MACROD2: variants seen among roughly 807,000 people sequenced by gnomAD.
MACROD2 encodes the protein ADP-ribose glycohydrolase MACROD2.
A neutral mutation model predicts 70.4 loss-of-function variants in MACROD2; 36 were observed. That is an observed-to-expected ratio of 0.51 (90% CI 0.39 to 0.68). The LOEUF (loss-of-function observed/expected upper bound fraction) is 0.68, where lower values mean the gene tolerates loss of function less well. MACROD2 is among the 30% of genes least tolerant of loss of function. MACROD2 has a pLI of 0.00. For missense variants in MACROD2, 496 were observed against 538.4 expected (o/e 0.92, Z 0.78); for synonymous variants, 172 against 178.8 (o/e 0.96, Z 0.30).
intron 8 of MACROD2, among the ~76,000 whole-genome samples, chr20:15,699,864 A>G (rs2050430915): frequency 6.6e-6 from 1 of 151,972 alleles, no homozygotes; most frequent in South Asian, 2.1e-4. Context: ...CCATCCTTCC[A>G]ATGGATCCTT....
chr20:14,899,193 G>A (rs1042073344), intron 5 of MACROD2, among the ~76,000 whole-genome samples: 18 of 152,066 alleles, frequency 1.2e-4, no homozygotes, highest in Non-Finnish European at 2.9e-5. Context: ...TTTGCCTTAC[G>A]TCTCAACTCA....
intron 5 of MACROD2, among the ~76,000 whole-genome samples, chr20:14,708,869 C>T (rs963368690): frequency 1.6e-4 from 25 of 152,242 alleles, no homozygotes; most frequent in African/African-American, 5.3e-4. Context: ...CCACCCACCT[C>T]GGCCTCCCAA....
At chr20:15,248,208 C>A (rs1193571084) in intron 6 of MACROD2, among the ~76,000 whole-genome samples, 1 of 152,182 alleles carries the variant, frequency 6.6e-6, no homozygotes, top group East Asian at 1.9e-4. Flanking sequence ...CAGGGCATGT[C>A]TTTTCCAAAC....
At chr20:14,734,532 C>G (rs1441124677) in intron 5 of MACROD2, among the ~76,000 whole-genome samples, 10 of 103,710 alleles carry the variant, frequency 9.6e-5, no homozygotes, top group Non-Finnish European at 1.5e-4. Flanking sequence ...AAAACAAAAA[C>G]AAAAACAAAA....
chr20:15,679,580 G>A (rs149584377), intron 8 of MACROD2, among the ~76,000 whole-genome samples: 44 of 152,336 alleles, frequency 2.9e-4, no homozygotes, highest in Non-Finnish European at 2.2e-4. Context: ...CAGCCTTAAG[G>A]TGGTGTAGCA....
intron 15 of MACROD2, among the ~76,000 whole-genome samples, chr20:16,020,715 C>T (rs2066989776): frequency 6.6e-6 from 1 of 151,640 alleles, no homozygotes; most frequent in Non-Finnish European, 1.5e-5. Context: ...ATCTTCATTG[C>T]AGCCAAGAAC....
chr20:14,797,558 A>G (rs1048122976), intron 5 of MACROD2, among the ~76,000 whole-genome samples: 4 of 151,756 alleles, frequency 2.6e-5, no homozygotes, highest in African/African-American at 9.7e-5. Flanking sequence ...GTTCTTTCTC[A>G]CCTAGTTAAT....
At chr20:14,147,804 T>C (rs763787386) in intron 3 of MACROD2, among the ~76,000 whole-genome samples, 15 of 152,184 alleles carry the variant, frequency 9.9e-5, no homozygotes, top group Non-Finnish European at 1.5e-4. Flanking sequence ...CACTGAGCAC[T>C]TGGGGTTTGC....
intron 5 of MACROD2, among the ~76,000 whole-genome samples, chr20:14,776,812 A>G (rs2072240356): frequency 6.6e-6 from 1 of 152,040 alleles, no homozygotes; most frequent in South Asian, 2.1e-4. Flanking sequence ...GAGAAACAGA[A>G]CACTTTCTCC....
chr20:14,231,959 T>C (rs1323214378), intron 3 of MACROD2, among the ~76,000 whole-genome samples: 1 of 152,230 alleles, frequency 6.6e-6, no homozygotes, highest in Admixed American at 6.5e-5. Context: ...TGTCTGTTCA[T>C]GTCCTTCTCC....
intron 4 of MACROD2, among the ~76,000 whole-genome samples, chr20:14,522,813 A>G (rs1453668007): frequency 6.6e-6 from 1 of 152,200 alleles, no homozygotes; most frequent in Non-Finnish European, 1.5e-5. Flanking sequence ...ATTAGAATGT[A>G]AACTCCCAAC....
intron 8 of MACROD2, among the ~76,000 whole-genome samples, chr20:15,561,974 T>A (rs779715283): frequency 6.6e-6 from 1 of 152,052 alleles, no homozygotes; most frequent in African/African-American, 2.4e-5. Context: ...TTATGTTGAA[T>A]CAGCATAAAA....
At chr20:14,567,003 G>A (rs1011331064) in intron 4 of MACROD2, 1 of 151,768 alleles carries the variant, frequency 6.6e-6, no homozygotes, top group East Asian at 1.9e-4. Context: ...CTGGAGTGCA[G>A]TGACTATTTA....
At chr20:15,446,730 C>G (rs1487961221) in intron 7 of MACROD2, among the ~76,000 whole-genome samples, 1 of 152,232 alleles carries the variant, frequency 6.6e-6, no homozygotes, top group African/African-American at 2.4e-5. Flanking sequence ...TCTGCTGGCG[C>G]TGCCGTAGGG....
chr20:14,276,957 A>G (rs1294928050), intron 3 of MACROD2, among the ~76,000 whole-genome samples: 2 of 152,212 alleles, frequency 1.3e-5, no homozygotes, highest in Non-Finnish European at 2.9e-5. Flanking sequence ...CTCATCTTAT[A>G]TGTGTTTAAT....
chr20:14,897,505 A>C (rs929911946), intron 5 of MACROD2, among the ~76,000 whole-genome samples: 12 of 152,334 alleles, frequency 7.9e-5, no homozygotes, highest in Middle Eastern at 6.8e-3. Context: ...TGATTTTTAA[A>C]ATAGTTGTAT....
At chr20:15,084,626 G>A (rs188852892) in intron 5 of MACROD2, among the ~76,000 whole-genome samples, 150 of 152,230 alleles carry the variant, frequency 9.9e-4, no homozygotes, top group Non-Finnish European at 6.9e-4. Flanking sequence ...GAGATTAGAG[G>A]TTACTATGAT....
chr20:14,263,625 T>C (rs1418309494), intron 3 of MACROD2, among the ~76,000 whole-genome samples: 1 of 152,004 alleles, frequency 6.6e-6, no homozygotes, highest in Non-Finnish European at 1.5e-5. Context: ...CCCATGACTA[T>C]TATAATAGGG....
chr20:15,933,978 G>C (rs1022200609), intron 11 of MACROD2, among the ~76,000 whole-genome samples: 7 of 152,010 alleles, frequency 4.6e-5, no homozygotes, highest in Admixed American at 4.6e-4. Context: ...AGCACTTAAG[G>C]CTCAAAAGGG....
Sources: gnomAD v4.1 joint callset for allele counts (sites outside exome capture counted in the v4.1 genomes callset) on GRCh38, gnomAD v4.1.1 for gene constraint, MANE v1.5 for transcripts, NCBI Gene and HGNC (gene_info 2026-07-23, HGNC 2026-07-21) for gene names.